The following CHSY3 variants were observed in gnomAD, a reference collection of about 807,000 sequenced individuals.
The protein encoded by CHSY3 is N-acetylgalactosaminyl-proteoglycan 3-beta-glucuronosyltransferase 3.
In CHSY3, 35 loss-of-function variants were observed where a neutral mutation model predicts 67.2. That is an observed-to-expected ratio of 0.52 (90% CI 0.40 to 0.69). The LOEUF is 0.69. Ranked by LOEUF, CHSY3 falls within the 30% of genes least tolerant of loss-of-function variation. The probability of loss-of-function intolerance (pLI) is 0.00; values close to 1 mark genes in which losing one functional copy is unlikely to be tolerated. For synonymous variants in CHSY3, 474 were observed against 434.7 expected (o/e 1.09, Z -1.12); for missense variants, 1,069 against 1,138.5 (o/e 0.94, Z 0.88).
intron 2 of CHSY3, among the ~76,000 whole-genome samples, chr5:129,936,446 C>T (rs1402037806): frequency 1.3e-5 from 2 of 152,036 alleles, no homozygotes; most frequent in African/African-American, 4.8e-5. Flanking sequence ...TGTCAAGTGC[C>T]ACTGCAAGGG....
At chr5:129,931,602 G>T (rs1021649930) in intron 2 of CHSY3, among the ~76,000 whole-genome samples, 3 of 152,116 alleles carry the variant, frequency 2.0e-5, no homozygotes, top group Admixed American at 1.3e-4. Flanking sequence ...CAGATGTGTA[G>T]GTGATGTATA....
intron 2 of CHSY3, among the ~76,000 whole-genome samples, chr5:130,042,915 T>C (rs1765044392): frequency 6.6e-6 from 1 of 152,064 alleles, no homozygotes; most frequent in Non-Finnish European, 1.5e-5. Context: ...TTCAGTAGGG[T>C]CATGATAATA....
intron 2 of CHSY3, among the ~76,000 whole-genome samples, chr5:129,939,457 T>C (rs1761627983): frequency 6.6e-6 from 1 of 152,244 alleles, no homozygotes; most frequent in Admixed American, 6.5e-5. Context: ...TTTTGTAATA[T>C]TTGTATAGGA....
chr5:130,159,095 A>G (rs1401991343), intron 2 of CHSY3, among the ~76,000 whole-genome samples: 1 of 149,114 alleles, frequency 6.7e-6, no homozygotes, highest in Non-Finnish European at 1.5e-5. Context: ...CCATGGCACC[A>G]AGCAGAATTT....
At chr5:130,164,293 C>T (rs1016412840) in intron 2 of CHSY3, among the ~76,000 whole-genome samples, 5 of 152,068 alleles carry the variant, frequency 3.3e-5, no homozygotes, top group Middle Eastern at 6.8e-3. Flanking sequence ...GAAGAAACAA[C>T]AGGATAATTA....
chr5:130,032,735 A>G (rs1366205446), intron 2 of CHSY3, among the ~76,000 whole-genome samples: 1 of 152,162 alleles, frequency 6.6e-6, no homozygotes, highest in African/African-American at 2.4e-5. Context: ...AGAGAGGTGT[A>G]TGCTTTGGGA....
rs2149606913 is a variant in CHSY3 at position 129,959,957 on chromosome 5, A to G, written c.1086+51597A>G. Among the ~76,000 whole-genome samples, 4 of 152,252 alleles carry G rather than the reference A, an allele frequency of 2.6e-5. No individual in the cohort carries two copies. In the Middle Eastern group the frequency reaches 0.014, roughly 518 times the overall value. ...AGTGTTTAAGCATATTTGATACTGAATATATTTTCAGACAAACCTTAGAAA... is the reference window on the plus strand; with the variant it reads ...AGTGTTTAAGCATATTTGATACTGAGTATATTTTCAGACAAACCTTAGAAA... On this transcript the variant is annotated intron_variant, in intron 2 of 2. Transcript: ENST00000305031.
chr5:130,162,755 T>C (rs1305794986), intron 2 of CHSY3, among the ~76,000 whole-genome samples: 2 of 152,118 alleles, frequency 1.3e-5, no homozygotes, highest in Non-Finnish European at 2.9e-5. Context: ...ACTAGAAGCA[T>C]TGGAGCAGAA....
At chr5:130,065,997 G>A (rs1322997153) in intron 2 of CHSY3, among the ~76,000 whole-genome samples, 1 of 151,914 alleles carries the variant, frequency 6.6e-6, no homozygotes, top group Non-Finnish European at 1.5e-5. Flanking sequence ...ACACATTTTG[G>A]CTTCTACCAT....
At position 130,086,353 on chromosome 5, in the gene CHSY3, A is replaced by G. The variant is rs539368253; in HGVS notation, c.1087-97876A>G. Among the ~76,000 whole-genome samples, 480 of 151,864 alleles carry G rather than the reference A, an allele frequency of 3.2e-3. 2 individuals are homozygous for G. Among genetic ancestry groups the G allele is most frequent in the Middle Eastern group, 0.014 (4 of 294 alleles). The stretch of plus-strand genomic sequence containing the variant: ...CTCTTCTTGTTGAATTGATCCCTTT[A>G]CCATTATATAATGGCTTTCTTTGTC... On this transcript the variant is annotated intron_variant, in intron 2 of 2. Coordinates refer to ENST00000305031, the MANE Select transcript of CHSY3 (RefSeq NM_175856.5).
chr5:130,092,382 G>A (rs772272763), intron 2 of CHSY3, among the ~76,000 whole-genome samples: 7 of 152,164 alleles, frequency 4.6e-5, no homozygotes, highest in Admixed American at 6.5e-5. Flanking sequence ...TAAGTGGGCC[G>A]AAACCCACTG....
intron 2 of CHSY3, among the ~76,000 whole-genome samples, chr5:130,126,904 ACT>A (rs1768310702): frequency 6.6e-6 from 1 of 152,136 alleles, no homozygotes; most frequent in Admixed American, 6.5e-5. Flanking sequence ...CCTCTGTCTG[ACT>A]CTGAACAGAT....
At chr5:130,153,522 G>T (rs368471820) in intron 2 of CHSY3, among the ~76,000 whole-genome samples, 3 of 151,836 alleles carry the variant, frequency 2.0e-5, no homozygotes, top group Non-Finnish European at 4.4e-5. Flanking sequence ...AAATCTCAGC[G>T]TATAATCCCC....
intron 2 of CHSY3, among the ~76,000 whole-genome samples, chr5:129,913,341 T>C (rs914546159): frequency 5.6e-4 from 85 of 152,166 alleles, no homozygotes; most frequent in African/African-American, 2.0e-3. Context: ...CTGTAGAAAA[T>C]GAAGTGATTT....
chr5:130,023,597 T>C (rs903616962), intron 2 of CHSY3, among the ~76,000 whole-genome samples: 15 of 152,142 alleles, frequency 9.9e-5, no homozygotes, highest in African/African-American at 3.1e-4. Context: ...TGAGAGCTAA[T>C]CATTGGGCCT....
At chr5:130,109,745 T>A (rs905210104) in intron 2 of CHSY3, among the ~76,000 whole-genome samples, 2 of 151,692 alleles carry the variant, frequency 1.3e-5, no homozygotes, top group Non-Finnish European at 3.0e-5. Flanking sequence ...CGGGAAATAT[T>A]AGGTGGGGAT....
At chr5:129,949,111 C>T (rs1281100549) in intron 2 of CHSY3, among the ~76,000 whole-genome samples, 3 of 152,134 alleles carry the variant, frequency 2.0e-5, no homozygotes, top group East Asian at 3.9e-4. Flanking sequence ...TGTATATATG[C>T]AGCTAACACT....
At chr5:129,987,621 C>T (rs1455272990) in intron 2 of CHSY3, among the ~76,000 whole-genome samples, 1 of 152,178 alleles carries the variant, frequency 6.6e-6, no homozygotes, top group East Asian at 1.9e-4. Context: ...AGCTTTGGTA[C>T]TGTTCTGTAG....
At chr5:130,004,749 T>TA (rs1309496594) in intron 2 of CHSY3, among the ~76,000 whole-genome samples, 1 of 152,126 alleles carries the variant, frequency 6.6e-6, no homozygotes, top group African/African-American at 2.4e-5. Flanking sequence ...AGAGACTGGA[T>TA]AAAAAATAAT....
Sources: allele counts gnomAD v4.1 joint callset (sites outside exome capture counted in the v4.1 genomes callset), GRCh38; gene constraint gnomAD v4.1.1; transcripts MANE v1.5; gene names NCBI Gene and HGNC (gene_info 2026-07-23, HGNC 2026-07-21).